The following SORCS1 variants were observed in gnomAD, a reference collection of about 807,000 sequenced individuals.
SORCS1 encodes the protein VPS10 domain-containing receptor SorCS1.
SORCS1 carries 60 observed loss-of-function variants against 146.1 expected under a neutral mutation model. The observed-to-expected ratio is 0.41, with a 90% CI of 0.33 to 0.51. SORCS1 has a LOEUF of 0.51. SORCS1 is among the 20% of genes least tolerant of loss of function. SORCS1 has a pLI of 0.21. For synonymous variants in SORCS1, 637 were observed against 584.0 expected (o/e 1.09, Z -1.31); for missense variants, 1,352 against 1,487.6 (o/e 0.91, Z 1.50).
chr10:106,821,538 G>C (rs1347205995), intron 3 of SORCS1, among the ~76,000 whole-genome samples: 1 of 152,126 alleles, frequency 6.6e-6, no homozygotes, highest in Non-Finnish European at 1.5e-5. Context: ...TAATGCATTA[G>C]ATGCTTCTTA....
intron 24 of SORCS1, among the ~76,000 whole-genome samples, chr10:106,590,142 A>G (rs1345987738): frequency 6.6e-6 from 1 of 152,298 alleles, no homozygotes; most frequent in East Asian, 1.9e-4. Flanking sequence ...CATAAACCAT[A>G]TAATTCCACC....
chr10:106,806,196 C>CGTCTCTACT (rs1323753972), intron 3 of SORCS1, among the ~76,000 whole-genome samples: 43 of 150,774 alleles, frequency 2.9e-4, no homozygotes, highest in African/African-American at 9.3e-4. Context: ...GGTGAAACCC[C>CGTCTCTACT]GTCTCTACTA....
At chr10:106,643,444 G>T (rs528873138) in intron 18 of SORCS1, among the ~76,000 whole-genome samples, 1 of 152,228 alleles carries the variant, frequency 6.6e-6, no homozygotes, top group Non-Finnish European at 1.5e-5. Context: ...AGAAATTGAG[G>T]GTCTTTTTCT....
chr10:107,116,674 G>A (rs543598960), intron 1 of SORCS1, among the ~76,000 whole-genome samples: 1 of 152,150 alleles, frequency 6.6e-6, no homozygotes, highest in African/African-American at 2.4e-5. Flanking sequence ...AAATGTTGAT[G>A]TAAGGGTACA....
rs536841803 is a variant in SORCS1, at chr10:106,973,846, T to G, written c.559-17266A>C. 2.0e-5 allele frequency among the ~76,000 whole-genome samples: 3 copies of G among 152,334 alleles called. No homozygotes were observed. The East Asian group carries it at 5.8e-4, about 29-fold the overall frequency. On this transcript the variant is annotated intron_variant, in intron 1 of 25. Transcript: ENST00000263054. ...AAATCACTTCCATGAAAGCAATGTG[T>G]ATTCAAGCAATAAATCACTGTTTAG...
chr10:106,866,813 G>A (rs1319002383), intron 2 of SORCS1, among the ~76,000 whole-genome samples: 2 of 152,156 alleles, frequency 1.3e-5, no homozygotes, highest in African/African-American at 2.4e-5. Flanking sequence ...AGAAAACCTC[G>A]ACCCTGTGAG....
At chr10:107,132,696 C>T (rs148905976) in intron 1 of SORCS1, among the ~76,000 whole-genome samples, 16 of 152,264 alleles carry the variant, frequency 1.1e-4, no homozygotes, top group Non-Finnish European at 2.2e-4. Flanking sequence ...GCAGCACTTC[C>T]GTGCCTAGTT....
chr10:107,036,754 C>T (rs546360664), intron 1 of SORCS1, among the ~76,000 whole-genome samples: 40 of 152,294 alleles, frequency 2.6e-4, no homozygotes, highest in South Asian at 1.4e-3. Flanking sequence ...CTGCATCTCA[C>T]GAATACCCTC....
chr10:106,791,614 G>T (rs193094225), intron 3 of SORCS1, among the ~76,000 whole-genome samples: 2 of 152,086 alleles, frequency 1.3e-5, no homozygotes, highest in African/African-American at 4.8e-5. Flanking sequence ...CAGGAGAATC[G>T]CTTGAACCCA....
chr10:106,607,339 A>C, intron 22 of SORCS1, 42 bp from the exon 23 acceptor site: 1 of 1,609,130 alleles, frequency 6.2e-7, no homozygotes, highest in Non-Finnish European at 8.5e-7. Context: ...GCTGCAGAGA[A>C]GAAAGCTGAG....
At chr10:106,579,658 C>CA (rs1212148259) in intron 24 of SORCS1, among the ~76,000 whole-genome samples, 184 bp from the exon 25 acceptor site, 1 of 151,930 alleles carries the variant, frequency 6.6e-6, no homozygotes, top group Non-Finnish European at 1.5e-5. Flanking sequence ...ACTCCCACCC[C>CA]AAATGTTCCT....
chr10:107,079,738 C>G (rs1235953686), intron 1 of SORCS1, among the ~76,000 whole-genome samples: 1 of 152,086 alleles, frequency 6.6e-6, no homozygotes, highest in Non-Finnish European at 1.5e-5. Context: ...GACTAGAACC[C>G]TAGAAAATTG....
intron 3 of SORCS1, among the ~76,000 whole-genome samples, chr10:106,815,548 G>A (rs911648604): frequency 6.6e-6 from 1 of 152,164 alleles, no homozygotes; most frequent in African/African-American, 2.4e-5. Flanking sequence ...AAATGAGCTT[G>A]ATCAGTTTCC....
chr10:106,880,854 C>T (rs572259465), intron 2 of SORCS1, among the ~76,000 whole-genome samples: 56 of 151,840 alleles, frequency 3.7e-4, no homozygotes, highest in East Asian at 1.2e-3. Context: ...TTTGGGAGGC[C>T]GAGGCGGGCG....
chr10:106,820,635 G>C (rs1423787668), intron 3 of SORCS1, among the ~76,000 whole-genome samples: 1 of 152,094 alleles, frequency 6.6e-6, no homozygotes, highest in Non-Finnish European at 1.5e-5. Flanking sequence ...AGAAAGCTTG[G>C]GGCAGTTCTG....
At chr10:106,725,189 A>G (rs1245755818) in intron 6 of SORCS1, among the ~76,000 whole-genome samples, 3 of 152,184 alleles carry the variant, frequency 2.0e-5, no homozygotes, top group Non-Finnish European at 4.4e-5. Context: ...ATTGTAAAGT[A>G]TATTTGGCAT....
intron 1 of SORCS1, among the ~76,000 whole-genome samples, chr10:107,034,841 A>G (rs1412136558): frequency 6.6e-6 from 1 of 151,780 alleles, no homozygotes; most frequent in East Asian, 1.9e-4. Flanking sequence ...TCCTTTTACA[A>G]TTTTTCCCCA....
intron 2 of SORCS1, among the ~76,000 whole-genome samples, chr10:106,874,903 T>C (rs1950542233): frequency 6.6e-6 from 1 of 152,250 alleles, no homozygotes; most frequent in Non-Finnish European, 1.5e-5. Context: ...AGACATATCA[T>C]GAACTGACAA....
intron 2 of SORCS1, among the ~76,000 whole-genome samples, chr10:106,874,053 A>G (rs1950514642): frequency 6.6e-6 from 1 of 152,234 alleles, no homozygotes; most frequent in Admixed American, 6.5e-5. Flanking sequence ...ATTGTGAAAC[A>G]TTTAGTCAAT....
Sources: allele counts gnomAD v4.1 joint callset (sites outside exome capture counted in the v4.1 genomes callset), GRCh38; gene constraint gnomAD v4.1.1; transcripts MANE v1.5; gene names NCBI Gene and HGNC (gene_info 2026-07-23, HGNC 2026-07-21).